Variants in CLGN observed in about 807,000 individuals in gnomAD.
The protein encoded by CLGN is testis tissue sperm-binding protein Li 79P.
A neutral mutation model predicts 79.1 loss-of-function variants in CLGN; 62 were observed. The ratio of observed to expected loss-of-function variants is 0.78; its 90% confidence interval spans 0.64 to 0.97. The LOEUF is 0.97. Among genes scored for constraint, CLGN ranks in the 50% least tolerant of loss-of-function variants. CLGN has a pLI of 0.00. For synonymous variants in CLGN, 225 were observed against 224.7 expected, an observed-to-expected ratio of 1.00 and a Z score of -0.01; for missense variants, 647 against 715.5, an observed-to-expected ratio of 0.90 and a Z score of 1.09.
chr4:140,418,862 C>G (rs1226266671), intron 1 of CLGN, among the ~76,000 whole-genome samples: 1 of 152,050 alleles, frequency 6.6e-6, no homozygotes, highest in Non-Finnish European at 1.5e-5. Flanking sequence ...GGTATATACC[C>G]AAAGGACTCT....
intron 13 of CLGN, among the ~76,000 whole-genome samples, chr4:140,391,819 C>T (rs1728778293): frequency 6.6e-6 from 1 of 151,826 alleles, no homozygotes; most frequent in Admixed American, 6.6e-5. Flanking sequence ...TGTTGGAAGA[C>T]TTGGTGTTGA....
chr4:140,416,497 C>A (rs1335144326), intron 1 of CLGN, among the ~76,000 whole-genome samples: 15 of 152,182 alleles, frequency 9.9e-5, no homozygotes, highest in South Asian at 2.1e-4. Context: ...CTAATAGACG[C>A]AGCAAAAAAT....
At chr4:140,414,106 G>A (rs1729273743) in intron 1 of CLGN, among the ~76,000 whole-genome samples, 1 of 152,140 alleles carries the variant, frequency 6.6e-6, no homozygotes, top group East Asian at 1.9e-4. Context: ...ACCTCACACG[G>A]CAGGGTATTC....
rs2126624757 is a variant in CLGN at position 140,405,974 on chromosome 4, T to C, written c.387A>G (p.Pro129=). Reference sequence around the variant, plus strand: ...TCAAGGGTTTATCAGCAAAAATGAATGGTTTTGCTAATACAGCAGATATTG... The same window carrying C: ...TCAAGGGTTTATCAGCAAAAATGAACGGTTTTGCTAATACAGCAGATATTG... The part of the protein sequence containing the change: ...HHAISAVLAK[P]FIFADKPLIV... Residue 129 remains proline (P), a synonymous_variant, in exon 5 of 15, where the codon CCA becomes CCG. Transcript: ENST00000325617. 6.2e-7 allele frequency: 1 copy of C among 1,612,330 alleles called. No individual in the cohort carries two copies. Among genetic ancestry groups the C allele is most frequent in the African/African-American group, 1.3e-5 (1 of 74,982 alleles).
intron 5 of CLGN, 83 bp downstream of exon 5, chr4:140,405,859 C>T: frequency 2.2e-6 from 3 of 1,366,212 alleles, no homozygotes; most frequent in South Asian, 2.9e-5. Flanking sequence ...TTTTCACATC[C>T]ATTTTCAAAA....
At chr4:140,414,571 G>A (rs1397677384) in intron 1 of CLGN, among the ~76,000 whole-genome samples, 4 of 148,668 alleles carry the variant, frequency 2.7e-5, no homozygotes, top group East Asian at 2.0e-4. Context: ...CTCAGGAGCC[G>A]ATGCGATCAA....
intron 1 of CLGN, among the ~76,000 whole-genome samples, chr4:140,417,372 A>C (rs1381799192): frequency 2.1e-5 from 3 of 145,060 alleles, no homozygotes; most frequent in Non-Finnish European, 4.5e-5. Flanking sequence ...AGGAGAAGGA[A>C]ATAAATGGTA....
intron 14 of CLGN, among the ~76,000 whole-genome samples, chr4:140,390,233 C>T (rs1018623567): frequency 5.9e-5 from 9 of 151,570 alleles, no homozygotes; most frequent in Non-Finnish European, 8.9e-5. Context: ...TATTTTAAAA[C>T]GTGAGAGTAA....
intron 11 of CLGN, 101 bp from the exon 12 acceptor site, chr4:140,392,812 A>G (rs570891477): frequency 1.2e-5 from 13 of 1,110,782 alleles, no homozygotes; most frequent in Admixed American, 5.9e-5. Context: ...ATTTTACATT[A>G]AGGAGTGATG....
intron 10 of CLGN, among the ~76,000 whole-genome samples, chr4:140,395,389 G>A (rs866817275): frequency 2.6e-5 from 4 of 151,886 alleles, no homozygotes; most frequent in Non-Finnish European, 5.9e-5. Context: ...CTCGTGATCC[G>A]CCCGCCTTGG....
Position 140,392,618 on chromosome 4 carries a change from T to G in CLGN, c.1459A>C (p.Ile487Leu), listed in dbSNP as rs1344005257. 2 of 1,605,338 alleles carry G rather than the reference T, an allele frequency of 1.2e-6. No individual in the cohort carries two copies. Among genetic ancestry groups the G allele is most frequent in the Non-Finnish European group, 1.7e-6 (2 of 1,177,518 alleles). Reference protein sequence around the residue: ...LVTAGVPIALITSFCWPRKVK... With the variant: ...LVTAGVPIALLTSFCWPRKVK... Reference sequence around the variant, plus strand: ...TTTCTTGGCCAACAAAATGAAGTAATTAATGCTATTGGCACTCCTGCTGTC... The same window carrying G: ...TTTCTTGGCCAACAAAATGAAGTAAGTAATGCTATTGGCACTCCTGCTGTC... The change falls in exon 12 of 15, where the codon ATT (isoleucine) becomes CTT (leucine). Residue 487 changes from isoleucine to leucine, a missense_variant. Ile to Leu is a conservative substitution (Grantham distance 5, BLOSUM62 2). Transcript: ENST00000325617.
At chr4:140,400,817 C>T (rs1728986671) in intron 6 of CLGN, among the ~76,000 whole-genome samples, 1 of 152,010 alleles carries the variant, frequency 6.6e-6, no homozygotes, top group African/African-American at 2.4e-5. Context: ...CTTTAACTCT[C>T]TATGTAAATC....
intron 2 of CLGN, among the ~76,000 whole-genome samples, chr4:140,411,349 T>C (rs1296067171): frequency 6.6e-6 from 1 of 152,060 alleles, no homozygotes; most frequent in East Asian, 1.9e-4. Context: ...ACTGTCTGGC[T>C]CCAAAGCTCA....
At chr4:140,426,423 G>T (rs913756177) in intron 1 of CLGN, among the ~76,000 whole-genome samples, 27 of 152,224 alleles carry the variant, frequency 1.8e-4, no homozygotes, top group Admixed American at 1.6e-3. Flanking sequence ...AACTAGCTAA[G>T]ACAGAGAGTA....
chr4:140,422,315 T>C (rs565284886), intron 1 of CLGN, among the ~76,000 whole-genome samples: 2 of 152,342 alleles, frequency 1.3e-5, no homozygotes, highest in East Asian at 1.9e-4. Flanking sequence ...ATTAGGATTA[T>C]GACAGGGATT....
intron 1 of CLGN, among the ~76,000 whole-genome samples, chr4:140,415,220 C>A (rs1729303529): frequency 6.6e-6 from 1 of 152,274 alleles, no homozygotes; most frequent in East Asian, 1.9e-4. Context: ...TGGAAAGGAA[C>A]AACAGGTACC....
chr4:140,390,674 C>T lies in CLGN; in HGVS notation c.1706G>A (p.Gly569Glu). The change falls in exon 14 of 15, where the codon GGG becomes GAG. Residue 569 changes from glycine (G) to glutamate (E), a missense_variant. By Grantham distance (98) the Gly-to-Glu change is moderately conservative. Transcript: ENST00000325617. The part of the protein sequence containing the change: ...KSEEEIEIIE[G>E]QEESNQSNKS... ...ATTTGATTGATTACTTTCTTCTTGC[C>T]CTTCTATGATTTCAATTTCTTCTTC... 4 of 1,604,806 alleles carry T rather than the reference C, an allele frequency of 2.5e-6. No individual in the cohort carries two copies. Among genetic ancestry groups the T allele is most frequent in the Non-Finnish European group, 3.4e-6 (4 of 1,174,798 alleles).
At chr4:140,409,971 A>G in intron 3 of CLGN, 76 bp from the exon 4 acceptor site, 1 of 928,832 alleles carries the variant, frequency 1.1e-6, no homozygotes, top group East Asian at 2.7e-5. Context: ...GCATACAGAA[A>G]CACAATAAAA....
intron 1 of CLGN, among the ~76,000 whole-genome samples, chr4:140,413,872 G>A (rs1269580761): frequency 3.9e-5 from 6 of 152,260 alleles, no homozygotes; most frequent in Admixed American, 3.9e-4. Flanking sequence ...AAGGAGGCCT[G>A]CCTGCCTCTG....
Sources: gnomAD v4.1 joint callset for allele counts (sites outside exome capture counted in the v4.1 genomes callset) on GRCh38, gnomAD v4.1.1 for gene constraint, MANE v1.5 for transcripts, NCBI Gene and HGNC (gene_info 2026-07-23, HGNC 2026-07-21) for gene names.